The following CSMD2 variants were observed in gnomAD, a reference collection of about 807,000 sequenced individuals.
CSMD2 encodes CUB and sushi domain-containing protein 2.
In CSMD2, 130 loss-of-function variants were observed where a neutral mutation model predicts 398.5. That is an observed-to-expected ratio of 0.33 (90% CI 0.28 to 0.38). The LOEUF (loss-of-function observed/expected upper bound fraction) is 0.38, where lower values mean the gene tolerates loss of function less well. CSMD2 is among the 10% of genes least tolerant of loss of function. CSMD2 has a pLI of 1.00. For missense variants in CSMD2, 3,829 were observed against 4,764.9 expected, an observed-to-expected ratio of 0.80 and a Z score of 5.78; for synonymous variants, 1,828 against 1,908.5, an observed-to-expected ratio of 0.96 and a Z score of 1.10.
intron 10 of CSMD2, among the ~76,000 whole-genome samples, chr1:33,797,248 A>T (rs1170894039): frequency 6.6e-6 from 1 of 152,182 alleles, no homozygotes; most frequent in African/African-American, 2.4e-5. Context: ...TGCTGGCTTT[A>T]AGGTTCAGGT....
In CSMD2 at chr1:33,743,622, A is replaced by G; in HGVS notation, c.1847-16T>C. On this transcript the variant is annotated splice_polypyrimidine_tract_variant and intron_variant, in intron 13 of 70. Coordinates refer to ENST00000373381, the MANE Select transcript of CSMD2 (RefSeq NM_001281956.2). ...AAGCAGGAGACTGCAAGAGAAGAGC[A>G]GTGGAGGTCAGTAAGCATCCCCAAC... 6.4e-7 allele frequency: 1 copy of G among 1,553,412 alleles called. No homozygotes were observed. Among genetic ancestry groups the G allele is most frequent in the South Asian group, 1.2e-5 (1 of 82,728 alleles).
At chr1:34,054,696 C>T (rs1474841725) in intron 2 of CSMD2, among the ~76,000 whole-genome samples, 9 of 152,090 alleles carry the variant, frequency 5.9e-5, no homozygotes, top group East Asian at 1.9e-4. Flanking sequence ...GCCGAGATCG[C>T]GCCACTGCAC....
chr1:34,069,393 G>A (rs72667728), intron 2 of CSMD2, among the ~76,000 whole-genome samples: 5,779 of 152,224 alleles, frequency 0.038, 128 homozygotes, highest in East Asian at 0.061. Flanking sequence ...GAAAGAGACA[G>A]AAATCCAGTA....
intron 7 of CSMD2, among the ~76,000 whole-genome samples, chr1:33,823,900 G>A (rs1050446705): frequency 3.9e-5 from 6 of 151,912 alleles, no homozygotes; most frequent in Admixed American, 1.3e-4. Flanking sequence ...CTTCTTAGTC[G>A]GCTTAATGAA....
intron 22 of CSMD2, among the ~76,000 whole-genome samples, chr1:33,702,965 C>G (rs1265015054): frequency 1.3e-5 from 2 of 152,134 alleles, no homozygotes; most frequent in African/African-American, 4.8e-5. Flanking sequence ...AATTTCAAAT[C>G]AGTCTTTATC....
chr1:34,130,795 T>C (rs1663267362), intron 1 of CSMD2, among the ~76,000 whole-genome samples: 1 of 152,126 alleles, frequency 6.6e-6, no homozygotes, highest in Non-Finnish European at 1.5e-5. Context: ...GACTCCTGAC[T>C]ATAGCATCCA....
At position 33,725,512 on chromosome 1, in the gene CSMD2, G is replaced by A. The variant is rs1646500789; in HGVS notation, c.2532C>T (p.Asp844=). The A allele has an allele frequency of 1.2e-6, 2 of 1,614,114 alleles. No individual in the cohort carries two copies. Among genetic ancestry groups the A allele is most frequent in the Non-Finnish European group, 1.7e-6 (2 of 1,180,038 alleles). The change falls in exon 17 of 71, where the codon GAC becomes GAT. Residue 844 remains aspartate (D), a synonymous_variant. Coordinates refer to ENST00000373381, the MANE Select transcript of CSMD2 (RefSeq NM_001281956.2). Reference sequence around the variant, plus strand: ...TCCGCCCATCGCGTACTTCCAGGGTGTCATAGTTGACCTCGGTTTTGAATC... The same window carrying A: ...TCCGCCCATCGCGTACTTCCAGGGTATCATAGTTGACCTCGGTTTTGAATC... ...FDRFKTEVNY[D]TLEVRDGRTY...
intron 32 of CSMD2, among the ~76,000 whole-genome samples, chr1:33,627,486 C>A (rs1642200558): frequency 6.6e-6 from 1 of 152,108 alleles, no homozygotes; most frequent in Admixed American, 6.5e-5. Flanking sequence ...GACCCCAGAC[C>A]CCATTCTCAG....
At chr1:34,103,488 C>T (rs560373589) in intron 1 of CSMD2, among the ~76,000 whole-genome samples, 4 of 152,018 alleles carry the variant, frequency 2.6e-5, no homozygotes, top group East Asian at 3.9e-4. Context: ...TTAGTAGAGA[C>T]GGGGTTTCAC....
chr1:33,557,777 G>A lies in CSMD2; in HGVS notation c.8700C>T (p.Cys2900=). 1.3e-6 allele frequency: 2 copies of A among 1,536,116 alleles called. No homozygotes were observed. The highest frequency in any genetic ancestry group is 1.2e-5 in the South Asian group (1 of 84,058). ...GACGGTCCCATGTGCCATCTCCCTGGCAGCTGAGCACTGGGGTGCCCAGGA... is the reference window on the plus strand; with the variant it reads ...GACGGTCCCATGTGCCATCTCCCTGACAGCTGAGCACTGGGGTGCCCAGGA... ...FYLLGTPVLS[C]QGDGTWDRPR... is the part of the protein sequence containing the mutation. Residue 2900 remains cysteine (C), a synonymous_variant, in exon 55 of 71, where the codon TGC becomes TGT. Coordinates refer to ENST00000373381, the MANE Select transcript of CSMD2 (RefSeq NM_001281956.2).
At chr1:33,818,103 T>A (rs902117222) in intron 9 of CSMD2, among the ~76,000 whole-genome samples, 1 of 152,224 alleles carries the variant, frequency 6.6e-6, no homozygotes, top group Non-Finnish European at 1.5e-5. Flanking sequence ...GAAAAGGTCT[T>A]GAGGAGGGAC....
At chr1:34,091,666 G>A (rs985968569) in intron 1 of CSMD2, among the ~76,000 whole-genome samples, 7 of 152,082 alleles carry the variant, frequency 4.6e-5, no homozygotes, top group African/African-American at 1.7e-4. Context: ...AAAATGTTAA[G>A]GTCTTCTGAA....
intron 5 of CSMD2, among the ~76,000 whole-genome samples, chr1:33,902,629 G>A (rs760905592): frequency 2.0e-5 from 3 of 152,030 alleles, no homozygotes; most frequent in South Asian, 2.1e-4. Context: ...TTTCTGGCCC[G>A]GAGATTAATG....
At chr1:33,658,367 CACT>C (rs1357709838) in intron 26 of CSMD2, among the ~76,000 whole-genome samples, 1 of 152,180 alleles carries the variant, frequency 6.6e-6, no homozygotes, top group Non-Finnish European at 1.5e-5. Flanking sequence ...CTGATATCAC[CACT>C]ACCATTCTTC....
chr1:33,882,672 C>T (rs542416153), intron 5 of CSMD2, among the ~76,000 whole-genome samples: 1 of 152,238 alleles, frequency 6.6e-6, no homozygotes, highest in South Asian at 2.1e-4. Flanking sequence ...AATGGAGGTA[C>T]CTATCTCTTT....
chr1:33,925,134 T>G (rs2125302539), intron 4 of CSMD2, among the ~76,000 whole-genome samples: 1 of 152,308 alleles, frequency 6.6e-6, no homozygotes. Context: ...TAGACCAATC[T>G]CCTGGAATAA....
intron 13 of CSMD2, among the ~76,000 whole-genome samples, chr1:33,770,588 T>C (rs779603379): frequency 1.3e-5 from 2 of 152,216 alleles, no homozygotes; most frequent in Non-Finnish European, 2.9e-5. Flanking sequence ...TCAAGCTGTG[T>C]CCTCTTACTC....
chr1:34,161,384 G>A, intron 1 of CSMD2, among the ~76,000 whole-genome samples: 1 of 152,202 alleles, frequency 6.6e-6, no homozygotes, highest in East Asian at 1.9e-4. Context: ...AAAGGGTTGG[G>A]CAAGGATGAG....
chr1:33,690,114 G>T (rs968997253), intron 25 of CSMD2, among the ~76,000 whole-genome samples: 1 of 152,096 alleles, frequency 6.6e-6, no homozygotes, highest in Non-Finnish European at 1.5e-5. Flanking sequence ...ACTGCCAGGA[G>T]CTGTCAAAAC....
Sources: gnomAD v4.1 joint callset for allele counts (sites outside exome capture counted in the v4.1 genomes callset) on GRCh38, gnomAD v4.1.1 for gene constraint, MANE v1.5 for transcripts, NCBI Gene and HGNC (gene_info 2026-07-23, HGNC 2026-07-21) for gene names.